ST8SIA6: variants seen among roughly 807,000 people sequenced by gnomAD.
The protein encoded by ST8SIA6 is ST8 alpha-N-acetyl-neuraminide alpha-2,8-sialyltransferase 6, also known as alpha-2,8-sialyltransferase 8F.
A neutral mutation model predicts 33.6 loss-of-function variants in ST8SIA6; 39 were observed. The ratio of observed to expected loss-of-function variants is 1.16; its 90% CI spans 0.90 to 1.52. ST8SIA6 has a LOEUF of 1.52. ST8SIA6 is among the 40% of genes most tolerant of loss of function. The pLI, the probability that ST8SIA6 is intolerant of heterozygous loss-of-function variation, is 0.00. For missense variants in ST8SIA6, 441 were observed against 443.8 expected (o/e 0.99, Z 0.06); for synonymous variants, 172 against 167.2 (o/e 1.03, Z -0.22).
At chr10:17,387,099 C>T (rs902002614) in intron 3 of ST8SIA6, 1 of 152,224 alleles carries the variant, frequency 6.6e-6, no homozygotes, top group East Asian at 1.9e-4. Context: ...ACGTCAGCCT[C>T]CCTGGGAAAA....
At chr10:17,382,952 A>C (rs1186172461) in intron 3 of ST8SIA6, among the ~76,000 whole-genome samples, 1 of 152,218 alleles carries the variant, frequency 6.6e-6, no homozygotes, top group South Asian at 2.1e-4. Flanking sequence ...CAACTCCTTA[A>C]TAAAGGTTAT....
intron 2 of ST8SIA6, among the ~76,000 whole-genome samples, chr10:17,450,135 G>A (rs60184208): frequency 0.11 from 16,379 of 152,138 alleles, 946 homozygotes; most frequent in South Asian, 0.18. Context: ...AGCAAATGTC[G>A]CAGAGAGACA....
intron 3 of ST8SIA6, among the ~76,000 whole-genome samples, chr10:17,379,728 T>G (rs190784048): frequency 6.6e-6 from 1 of 152,174 alleles, no homozygotes; most frequent in Non-Finnish European, 1.5e-5. Flanking sequence ...TGATGTCTCA[T>G]GTCTCCCTAA....
rs541738382 is a variant in ST8SIA6 at position 17,362,959 on chromosome 10, C to A, written c.291-3359G>T. Reference sequence around the variant, plus strand: ...ACTCCTGACCTTGTGATCTACCCACCTCGGCCTCCCAAAGTGCTGGGATTA... The same window carrying A: ...ACTCCTGACCTTGTGATCTACCCACATCGGCCTCCCAAAGTGCTGGGATTA... On this transcript the variant is annotated intron_variant, in intron 3 of 7. Transcript: ENST00000377602. 1.5e-3 allele frequency among the ~76,000 whole-genome samples: 230 copies of A among 152,242 alleles called. 2 individuals are homozygous for A. The highest frequency in any genetic ancestry group is 5.2e-3 in the African/African-American group (218 of 41,540).
intron 2 of ST8SIA6, among the ~76,000 whole-genome samples, chr10:17,424,855 T>G (rs1388307933): frequency 6.6e-6 from 1 of 151,788 alleles, no homozygotes; most frequent in East Asian, 1.9e-4. Flanking sequence ...TGCCTCAGCC[T>G]CCTGAGTAGC....
intron 3 of ST8SIA6, among the ~76,000 whole-genome samples, chr10:17,384,860 T>C (rs448268): frequency 0.28 from 42,290 of 151,866 alleles, 6,634 homozygotes; most frequent in East Asian, 0.64. Flanking sequence ...TGTAGCTTTT[T>C]CCCCCTTCCT....
chr10:17,447,562 C>T (rs974981162), intron 2 of ST8SIA6, among the ~76,000 whole-genome samples: 1 of 151,344 alleles, frequency 6.6e-6, no homozygotes, highest in Non-Finnish European at 1.5e-5. Context: ...AAATACCAAG[C>T]TTATGACCAA....
intron 3 of ST8SIA6, among the ~76,000 whole-genome samples, chr10:17,390,182 T>C (rs1000877366): frequency 3.3e-5 from 5 of 152,122 alleles, no homozygotes; most frequent in African/African-American, 1.2e-4. Flanking sequence ...AGGGTTTTGC[T>C]ATGTTGCTAA....
intron 5 of ST8SIA6, among the ~76,000 whole-genome samples, chr10:17,329,268 C>A (rs755901198): frequency 3.3e-5 from 5 of 152,070 alleles, no homozygotes; most frequent in Admixed American, 6.6e-5. Context: ...TTTACAGATG[C>A]GAAAATGGAG....
chr10:17,346,583 G>A (rs1848841578), intron 4 of ST8SIA6, among the ~76,000 whole-genome samples: 1 of 152,138 alleles, frequency 6.6e-6, no homozygotes, highest in Admixed American at 6.5e-5. Flanking sequence ...GACAGAGTGA[G>A]ATCCTGTCTC....
intron 2 of ST8SIA6, among the ~76,000 whole-genome samples, chr10:17,443,018 T>C (rs529926143): frequency 4.3e-4 from 66 of 152,320 alleles, no homozygotes; most frequent in African/African-American, 1.4e-3. Flanking sequence ...GCATGTATAA[T>C]GTTCCCTAGA....
chr10:17,396,055 G>A (rs1269922143), intron 2 of ST8SIA6, among the ~76,000 whole-genome samples: 3 of 152,136 alleles, frequency 2.0e-5, no homozygotes, highest in Admixed American at 6.5e-5. Context: ...AGAAGCCTCC[G>A]ACCCATGAGT....
At chr10:17,450,787 C>T (rs377432407) in intron 2 of ST8SIA6, among the ~76,000 whole-genome samples, 11 of 152,112 alleles carry the variant, frequency 7.2e-5, no homozygotes, top group African/African-American at 2.2e-4. Flanking sequence ...AGGAGCAATC[C>T]GAGAGCCTGG....
At chr10:17,415,146 T>C (rs118074453) in intron 2 of ST8SIA6, among the ~76,000 whole-genome samples, 6 of 152,144 alleles carry the variant, frequency 3.9e-5, no homozygotes, top group African/African-American at 1.4e-4. Context: ...TTATCTAAAA[T>C]TACTGCTTCC....
At chr10:17,323,866 T>C (rs913398048) in intron 6 of ST8SIA6, among the ~76,000 whole-genome samples, 1 of 152,184 alleles carries the variant, frequency 6.6e-6, no homozygotes, top group Non-Finnish European at 1.5e-5. Flanking sequence ...AATTGGCATA[T>C]TCTTAAAAAC....
chr10:17,319,272 TA>T lies in ST8SIA6; in HGVS notation c.*1605del, dbSNP rs1186137301. Among the ~76,000 whole-genome samples the T allele has an allele frequency of 2.6e-5, 4 of 152,100 alleles. No homozygotes were observed. The highest frequency in any genetic ancestry group is 9.7e-5 in the African/African-American group (4 of 41,430). On this transcript the variant is annotated 3_prime_UTR_variant, in exon 8 of 8. Coordinates refer to ENST00000377602, the MANE Select transcript of ST8SIA6 (RefSeq NM_001004470.3). ...TGCAAGTTTTTCACCAAGATCAAAATAAAAAGAAAAACTATGAACACTATTT... is the reference window on the plus strand; with the variant it reads ...TGCAAGTTTTTCACCAAGATCAAAATAAAAGAAAAACTATGAACACTATTT...
intron 4 of ST8SIA6, among the ~76,000 whole-genome samples, chr10:17,342,311 A>C (rs185524391): frequency 4.6e-5 from 7 of 152,344 alleles, no homozygotes; most frequent in Middle Eastern, 6.8e-3. Flanking sequence ...TTTAAGTATC[A>C]TTTCACTATC....
intron 2 of ST8SIA6, among the ~76,000 whole-genome samples, chr10:17,405,546 A>G (rs1312619181): frequency 2.0e-5 from 3 of 149,328 alleles, no homozygotes; most frequent in Non-Finnish European, 4.4e-5. Context: ...CAAGTGGACA[A>G]TCACTCAAAT....
intron 2 of ST8SIA6, among the ~76,000 whole-genome samples, chr10:17,414,426 G>C (rs1029152359): frequency 5.3e-5 from 8 of 151,944 alleles, no homozygotes; most frequent in Non-Finnish European, 1.2e-4. Context: ...GAAAAAAATA[G>C]AAGCCTGCAG....
Sources: allele counts gnomAD v4.1 joint callset (sites outside exome capture counted in the v4.1 genomes callset), GRCh38; gene constraint gnomAD v4.1.1; transcripts MANE v1.5; gene names NCBI Gene and HGNC (gene_info 2026-07-23, HGNC 2026-07-21).